CYP19A1: variants seen among roughly 807,000 people sequenced by gnomAD.
CYP19A1 encodes aromatase.
CYP19A1 carries 32 observed loss-of-function variants against 44.4 expected under a neutral mutation model. That is an observed-to-expected ratio of 0.72 (90% CI 0.54 to 0.97). CYP19A1 has a LOEUF of 0.97. Among genes scored for constraint, CYP19A1 ranks in the 50% least tolerant of loss-of-function variants. The pLI is 0.00. For synonymous variants in CYP19A1, 212 were observed against 215.6 expected (o/e 0.98, Z 0.14); for missense variants, 598 against 637.8 (o/e 0.94, Z 0.67).
intron 3 of CYP19A1, among the ~76,000 whole-genome samples, chr15:51,230,239 C>T (rs2032922544): frequency 6.6e-6 from 1 of 152,218 alleles, no homozygotes; most frequent in Admixed American, 6.5e-5. Context: ...CTCCTCCTGG[C>T]AGTCAAGACA....
At chr15:51,212,632 A>AT in intron 8 of CYP19A1, 71 bp from the exon 9 acceptor site, 1 of 1,038,076 alleles carries the variant, frequency 9.6e-7, no homozygotes, top group Non-Finnish European at 1.5e-6. Context: ...TAAAGCTTCT[A>AT]TTTTTTTCCA....
chr15:51,301,049 A>G (rs1430197601), intron 1 of CYP19A1, among the ~76,000 whole-genome samples: 1 of 152,220 alleles, frequency 6.6e-6, no homozygotes, highest in African/African-American at 2.4e-5. Context: ...AACTGTCAGA[A>G]GGGAAGTCAG....
intron 1 of CYP19A1, among the ~76,000 whole-genome samples, chr15:51,287,510 C>A (rs1169539475): frequency 6.6e-6 from 1 of 152,202 alleles, no homozygotes; most frequent in East Asian, 1.9e-4. Flanking sequence ...CTCGTCAGCA[C>A]TCCTGGGCAG....
At chr15:51,329,574 A>G (rs2036668064) in intron 1 of CYP19A1, among the ~76,000 whole-genome samples, 1 of 152,188 alleles carries the variant, frequency 6.6e-6, no homozygotes, top group Non-Finnish European at 1.5e-5. Context: ...ACTCCCTTCA[A>G]ATACCACCGG....
At chr15:51,307,720 T>C (rs2036240113) in intron 1 of CYP19A1, among the ~76,000 whole-genome samples, 1 of 152,146 alleles carries the variant, frequency 6.6e-6, no homozygotes, top group Non-Finnish European at 1.5e-5. Context: ...CTCATGGAAA[T>C]AGGGCCTCAA....
rs777474240 is a variant in CYP19A1, at chr15:51,210,826, G to A, written c.1494C>T (p.Asp498=). The change falls in exon 10 of 10, where the codon GAC becomes GAT. Residue 498 remains aspartate (D), a synonymous_variant. Coordinates refer to ENST00000396402, the MANE Select transcript of CYP19A1 (RefSeq NM_000103.4). ...GCCTTCTCTAGTGTTCCAGACACCT[G>A]TCTGAGTTTCTTGGGGTAAAGATCA... ...LEMIFTPRNS[D]RCLEH 3.1e-6 allele frequency: 5 copies of A among 1,594,384 alleles called. No individual in the cohort carries two copies. The highest frequency in any genetic ancestry group is 4.3e-6 in the Non-Finnish European group (5 of 1,161,926).
chr15:51,315,773 T>C (rs1330404237), intron 1 of CYP19A1: 5 of 152,194 alleles, frequency 3.3e-5, no homozygotes, highest in African/African-American at 1.2e-4. Context: ...GATTGTTTGC[T>C]CTTAGCAAAA....
In CYP19A1 at chr15:51,294,828, C is replaced by G. The variant is rs1324953044; in HGVS notation, c.-39+43667G>C. Among the ~76,000 whole-genome samples, 4 of 152,146 alleles carry G rather than the reference C, an allele frequency of 2.6e-5. No homozygotes were observed. The South Asian group carries it at 8.3e-4, about 32-fold the overall frequency. ...CACCCCGTCTGGGAGGTGTACCCAA[C>G]AGCTCATTGAGAACGGGCCATGATG... On this transcript the variant is annotated intron_variant, in intron 1 of 9. Coordinates refer to ENST00000396402, the MANE Select transcript of CYP19A1 (RefSeq NM_000103.4).
intron 1 of CYP19A1, among the ~76,000 whole-genome samples, chr15:51,261,151 C>T (rs564825187): frequency 6.6e-6 from 1 of 152,198 alleles, no homozygotes; most frequent in Non-Finnish European, 1.5e-5. Flanking sequence ...GAGCTGAACA[C>T]TAGTTGCTGG....
rs949019206 is a variant in CYP19A1, at chr15:51,242,876, T to C, written c.37A>G (p.Ile13Val). Residue 13 changes from isoleucine (I) to valine (V), a missense_variant, in exon 2 of 10, where the codon ATC (isoleucine) becomes GTC (valine). Transcript: ENST00000396402. ...ATGGCTTCAGGCACGATGCTGGTGA[T>C]GTTATAATGTATCGGGTTCAGCATT... is the stretch of plus-strand genomic sequence containing the variant. The part of the protein sequence containing the change: ...LEMLNPIHYN[I>V]TSIVPEAMPA... The C allele has an allele frequency of 1.2e-6, 2 of 1,609,646 alleles. No individual in the cohort carries two copies.
At chr15:51,332,032 A>G (rs1202834879) in intron 1 of CYP19A1, among the ~76,000 whole-genome samples, 1 of 152,094 alleles carries the variant, frequency 6.6e-6, no homozygotes, top group African/African-American at 2.4e-5. Flanking sequence ...TTTAAGAATA[A>G]TTCTATTCAC....
intron 1 of CYP19A1, chr15:51,337,733 A>G (rs1482941134): frequency 6.5e-6 from 1 of 152,744 alleles, no homozygotes; most frequent in Non-Finnish European, 1.5e-5. Flanking sequence ...GAGAGAGAAG[A>G]TAGAGGAGAA....
intron 3 of CYP19A1, among the ~76,000 whole-genome samples, chr15:51,232,192 G>A (rs544139999): frequency 6.6e-6 from 1 of 152,144 alleles, no homozygotes; most frequent in African/African-American, 2.4e-5. Flanking sequence ...CTTCTCCCCC[G>A]ATTCTCTTCT....
chr15:51,223,130 T>C (rs1343577450), intron 4 of CYP19A1, among the ~76,000 whole-genome samples: 1 of 152,142 alleles, frequency 6.6e-6, no homozygotes, highest in Admixed American at 6.5e-5. Flanking sequence ...AGCTAAGCAA[T>C]TCCTTGCTTG....
At chr15:51,331,629 G>C (rs935048921) in intron 1 of CYP19A1, among the ~76,000 whole-genome samples, 2 of 151,834 alleles carry the variant, frequency 1.3e-5, no homozygotes, top group African/African-American at 4.8e-5. Context: ...CGAGTTCAGG[G>C]GGGCGCGACT....
At chr15:51,312,794 GT>G (rs1402079974) in intron 1 of CYP19A1, 1 of 152,302 alleles carries the variant, frequency 6.6e-6, no homozygotes, top group Non-Finnish European at 1.5e-5. Context: ...GACGCAGCAA[GT>G]TTTTCTTTCC....
At chr15:51,295,836 G>C (rs1032514924) in intron 1 of CYP19A1, among the ~76,000 whole-genome samples, 1 of 152,132 alleles carries the variant, frequency 6.6e-6, no homozygotes, top group Non-Finnish European at 1.5e-5. Flanking sequence ...CTGGCAGCAC[G>C]GAGGTCTGTG....
intron 1 of CYP19A1, among the ~76,000 whole-genome samples, chr15:51,245,284 C>T (rs538999158): frequency 2.4e-4 from 36 of 152,236 alleles, no homozygotes; most frequent in Non-Finnish European, 4.1e-4. Context: ...TAAAGATCCC[C>T]GACAAGAGCA....
intron 3 of CYP19A1, among the ~76,000 whole-genome samples, chr15:51,233,753 A>T (rs1415057434): frequency 6.6e-6 from 1 of 152,102 alleles, no homozygotes; most frequent in Non-Finnish European, 1.5e-5. Flanking sequence ...TGATACATAA[A>T]TTTTTTTTGT....
Sources: allele counts gnomAD v4.1 joint callset (sites outside exome capture counted in the v4.1 genomes callset), GRCh38; gene constraint gnomAD v4.1.1; transcripts MANE v1.5; gene names NCBI Gene and HGNC (gene_info 2026-07-23, HGNC 2026-07-21).